The following PRKN variants were observed in gnomAD, a reference collection of about 807,000 sequenced individuals.
The protein encoded by PRKN is parkin RBR E3 ubiquitin protein ligase.
Under a neutral mutation model 59.5 loss-of-function variants are expected in PRKN, and 56 were observed. That is an observed-to-expected ratio of 0.94 (90% confidence interval 0.76 to 1.18). PRKN has a LOEUF of 1.18. Among genes scored for constraint, PRKN ranks in the 50% most tolerant of loss-of-function variants. The pLI is 0.00. For synonymous variants in PRKN, 250 were observed against 222.1 expected (o/e 1.13, Z -1.12); for missense variants, 657 against 596.4 (o/e 1.10, Z -1.06).
chr6:161,973,699 G>C (rs991783292), intron 5 of PRKN, among the ~76,000 whole-genome samples: 1 of 152,112 alleles, frequency 6.6e-6, no homozygotes, highest in African/African-American at 2.4e-5. Flanking sequence ...CATGCCCCTC[G>C]ATGATAATAA....
chr6:161,471,734 G>A lies in PRKN; in HGVS notation c.1083+77120C>T, dbSNP rs1008601535. Among the ~76,000 whole-genome samples the A allele has an allele frequency of 6.6e-6, 1 of 152,096 alleles. No individual in the cohort carries two copies. Among genetic ancestry groups the A allele is most frequent in the African/African-American group, 2.4e-5 (1 of 41,430 alleles). ...GAGAAGAGTTTAAATCCCAGTACTA[G>A]AATATATGTAACAGCTATATTGGCT... On this transcript the variant is annotated intron_variant, in intron 9 of 11. Transcript: ENST00000366898. This position sits in a 1 kb window ranked among gnomAD's most constrained non-coding sequence, Gnocchi z 4.5.
chr6:161,486,409 T>C (rs545934066), intron 9 of PRKN, among the ~76,000 whole-genome samples: 2 of 152,224 alleles, frequency 1.3e-5, no homozygotes, highest in African/African-American at 4.8e-5. Context: ...AAATGAAATT[T>C]GAAGTCAGAT....
At position 162,088,623 on chromosome 6, in the gene PRKN, G is replaced by A. The variant is rs189604349; in HGVS notation, c.535-34449C>T. 7.9e-5 allele frequency among the ~76,000 whole-genome samples: 12 copies of A among 152,158 alleles called. No homozygotes were observed. The East Asian group carries it at 2.1e-3, about 27-fold the overall frequency. ...ATACCAACAAATAGATAACTTACAC[G>A]AAACGGGTAAATTCCAAGAAAGACA... On this transcript the variant is annotated intron_variant, in intron 4 of 11. Transcript: ENST00000366898.
chr6:162,123,501 GTTT>G (rs1781003340), intron 4 of PRKN, among the ~76,000 whole-genome samples: 1 of 152,106 alleles, frequency 6.6e-6, no homozygotes, highest in Non-Finnish European at 1.5e-5. Context: ...TTACTTATAT[GTTT>G]GTAATTTTGT....
intron 3 of PRKN, among the ~76,000 whole-genome samples, chr6:162,225,173 A>G (rs977997175): frequency 1.3e-5 from 2 of 152,132 alleles, no homozygotes; most frequent in Non-Finnish European, 2.9e-5. Context: ...AAACACAAAG[A>G]GTGACCGAAC....
intron 6 of PRKN, among the ~76,000 whole-genome samples, chr6:161,942,518 G>A (rs1205705658): frequency 6.6e-6 from 1 of 152,070 alleles, no homozygotes; most frequent in Non-Finnish European, 1.5e-5. Context: ...GCGACAGAGC[G>A]AGACTCCATC....
intron 9 of PRKN, among the ~76,000 whole-genome samples, chr6:161,516,374 G>A (rs1778588418): frequency 6.7e-6 from 1 of 149,078 alleles, no homozygotes; most frequent in Non-Finnish European, 1.5e-5. Flanking sequence ...GGCTAAGGTA[G>A]GAGAATTGAT....
intron 5 of PRKN, among the ~76,000 whole-genome samples, chr6:162,024,992 G>A (rs2849569): frequency 0.81 from 121,829 of 149,678 alleles, 50,193 homozygotes; most frequent in African/African-American, 0.95. Context: ...ACGTTTCTAT[G>A]TTGTGTTCAT....
At chr6:162,210,837 G>T (rs1273598606) in intron 3 of PRKN, among the ~76,000 whole-genome samples, 5 of 152,126 alleles carry the variant, frequency 3.3e-5, no homozygotes, top group African/African-American at 1.2e-4. Context: ...TTAAAAAAAA[G>T]TATTTCCAAA....
intron 7 of PRKN, among the ~76,000 whole-genome samples, chr6:161,750,065 C>T (rs1562654093): frequency 1.3e-5 from 2 of 149,698 alleles, no homozygotes. Flanking sequence ...ATTTTCAATT[C>T]ATAGGATATT....
intron 2 of PRKN, among the ~76,000 whole-genome samples, chr6:162,266,673 T>C (rs1780152103): frequency 6.6e-6 from 1 of 152,182 alleles, no homozygotes. Context: ...GGCAAATGAT[T>C]CTTCCTTTCC....
At chr6:161,645,281 C>T (rs915732780) in intron 7 of PRKN, among the ~76,000 whole-genome samples, 9 of 151,764 alleles carry the variant, frequency 5.9e-5, no homozygotes, top group Admixed American at 5.2e-4. Context: ...ACATACTAAC[C>T]GATATTTGGG....
At chr6:161,661,671 T>C (rs1032225951) in intron 7 of PRKN, among the ~76,000 whole-genome samples, 4 of 152,190 alleles carry the variant, frequency 2.6e-5, no homozygotes, top group African/African-American at 7.2e-5. Context: ...TTGTACTGTA[T>C]ACAGCCACAT....
intron 9 of PRKN, among the ~76,000 whole-genome samples, chr6:161,516,216 G>A (rs569993794): frequency 1.1e-4 from 16 of 152,182 alleles, no homozygotes; most frequent in Non-Finnish European, 1.8e-4. Context: ...GGGAGGCTGA[G>A]GTGGGTGGGT....
intron 1 of PRKN, among the ~76,000 whole-genome samples, chr6:162,484,789 A>G (rs1792468358): frequency 6.6e-6 from 1 of 152,170 alleles, no homozygotes; most frequent in African/African-American, 2.4e-5. Context: ...TCATTTGCCT[A>G]TTGGGCATTT....
rs537327309 is a variant in PRKN at position 161,722,727 on chromosome 6, G to T, written c.871+63045C>A. On this transcript the variant is annotated intron_variant, in intron 7 of 11. Coordinates refer to ENST00000366898, the MANE Select transcript of PRKN (RefSeq NM_004562.3). Reference sequence around the variant, plus strand: ...AAATATTTTATAATGAGATAAAAATGGTGTTTTATTCTTCTTTTAATTTGA... The same window carrying T: ...AAATATTTTATAATGAGATAAAAATTGTGTTTTATTCTTCTTTTAATTTGA... Among the ~76,000 whole-genome samples the T allele has an allele frequency of 1.4e-3, 215 of 151,592 alleles. 2 individuals carry two copies. The highest frequency in any genetic ancestry group is 5.1e-3 in the African/African-American group (211 of 41,472).
chr6:162,548,951 G>C (rs1779227329), intron 1 of PRKN, among the ~76,000 whole-genome samples: 1 of 152,012 alleles, frequency 6.6e-6, no homozygotes, highest in Admixed American at 6.5e-5. Flanking sequence ...GGGAATTCTT[G>C]GTCCTTTGAG....
At chr6:162,540,527 G>T (rs1778886937) in intron 1 of PRKN, among the ~76,000 whole-genome samples, 1 of 152,064 alleles carries the variant, frequency 6.6e-6, no homozygotes, top group African/African-American at 2.4e-5. Flanking sequence ...ATATTAACTG[G>T]CTGGGCGTGG....
At chr6:162,026,655 T>C (rs534023938) in intron 5 of PRKN, among the ~76,000 whole-genome samples, 6 of 152,302 alleles carry the variant, frequency 3.9e-5, no homozygotes, top group South Asian at 4.1e-4. Flanking sequence ...TATGTACTTA[T>C]CTGCTTTGCT....
Sources: gnomAD v4.1 joint callset for allele counts (sites outside exome capture counted in the v4.1 genomes callset) on GRCh38, gnomAD v4.1.1 for gene constraint, Gnocchi (gnomAD v3.1) non-coding constraint, MANE v1.5 for transcripts, NCBI Gene and HGNC (gene_info 2026-07-23, HGNC 2026-07-21) for gene names.